SHC4: variants seen among roughly 807,000 people sequenced by gnomAD.
SHC4 encodes the protein SHC adaptor protein 4.
Under a neutral mutation model 69.4 loss-of-function variants are expected in SHC4, and 41 were observed. The observed-to-expected ratio is 0.59, with a 90% CI of 0.46 to 0.77. The LOEUF is 0.77. Ranked by LOEUF, SHC4 falls within the 30% of genes least tolerant of loss-of-function variation. The pLI, the probability that SHC4 is intolerant of heterozygous loss-of-function variation, is 0.00. For synonymous variants in SHC4, 318 were observed against 299.3 expected (o/e 1.06, Z -0.64); for missense variants, 777 against 783.8 (o/e 0.99, Z 0.10).
chr15:48,930,938 C>A (rs1900953040), intron 1 of SHC4, among the ~76,000 whole-genome samples: 1 of 152,222 alleles, frequency 6.6e-6, no homozygotes, highest in African/African-American at 2.4e-5. Context: ...GGCCTCATCA[C>A]TCTAGTGAAA....
intron 2 of SHC4, among the ~76,000 whole-genome samples, chr15:48,922,620 C>A (rs1262683712): frequency 2.0e-5 from 3 of 152,172 alleles, no homozygotes; most frequent in Non-Finnish European, 4.4e-5. Flanking sequence ...AAAGGCCCTG[C>A]CTCTTGATAC....
At chr15:48,960,955 A>C (rs1366400023) in intron 1 of SHC4, among the ~76,000 whole-genome samples, 1 of 152,060 alleles carries the variant, frequency 6.6e-6, no homozygotes, top group African/African-American at 2.4e-5. Context: ...CAAAATAATC[A>C]ATCTACCCAC....
intron 11 of SHC4, 72 bp from the exon 12 acceptor site, chr15:48,826,198 G>A (rs1382271463): frequency 2.8e-6 from 4 of 1,415,970 alleles, no homozygotes; most frequent in Admixed American, 2.3e-5. Context: ...ATAATAAGGG[G>A]GAAAATGCCA....
At chr15:48,947,965 C>T (rs558777847) in intron 1 of SHC4, 4 of 152,298 alleles carry the variant, frequency 2.6e-5, no homozygotes, top group African/African-American at 9.6e-5. Flanking sequence ...CATGTTTTGG[C>T]TTTCTTTATA....
intron 4 of SHC4, chr15:48,877,980 AGGCGACGCC>A: frequency 1.8e-6 from 1 of 565,506 alleles, no homozygotes; most frequent in Non-Finnish European, 2.9e-6. Flanking sequence ...GTAGCTCAAA[AGGCGACGCC>A]AACACCCCGG....
chr15:48,927,810 C>T (rs1900882729), intron 1 of SHC4, among the ~76,000 whole-genome samples: 1 of 152,188 alleles, frequency 6.6e-6, no homozygotes, highest in East Asian at 1.9e-4. Flanking sequence ...AATGACACAC[C>T]TCAGAGGCCC....
intron 9 of SHC4, among the ~76,000 whole-genome samples, chr15:48,845,872 C>T (rs1899081252): frequency 6.6e-6 from 1 of 152,096 alleles, no homozygotes; most frequent in African/African-American, 2.4e-5. Context: ...ATGATACATG[C>T]ATATTAATAT....
chr15:48,920,414 A>G (rs957585486), intron 2 of SHC4, among the ~76,000 whole-genome samples: 1 of 151,962 alleles, frequency 6.6e-6, no homozygotes, highest in African/African-American at 2.4e-5. Context: ...AAACCCGAAT[A>G]ATGCACTCAT....
At chr15:48,827,768 A>C (rs1357361774) in intron 11 of SHC4, among the ~76,000 whole-genome samples, 2 of 152,110 alleles carry the variant, frequency 1.3e-5, no homozygotes, top group Non-Finnish European at 2.9e-5. Flanking sequence ...GAGAGTTTCA[A>C]CTATTTTGAA....
chr15:48,852,507 T>C (rs1899233803), intron 8 of SHC4, among the ~76,000 whole-genome samples: 1 of 152,102 alleles, frequency 6.6e-6, no homozygotes, highest in Non-Finnish European at 1.5e-5. Context: ...TAATAAAATG[T>C]TGGAAAATGT....
chr15:48,909,457 T>G (rs1275957452), intron 2 of SHC4, among the ~76,000 whole-genome samples: 3 of 152,144 alleles, frequency 2.0e-5, no homozygotes, highest in African/African-American at 4.8e-5. Flanking sequence ...GAGGAGTCTT[T>G]AAGGTTTTCA....
At chr15:48,848,012 A>C (rs1314318243) in intron 9 of SHC4, among the ~76,000 whole-genome samples, 8 of 151,274 alleles carry the variant, frequency 5.3e-5, no homozygotes, top group Admixed American at 1.3e-4. Flanking sequence ...AAAAAAAAAA[A>C]AAAAACAAAA....
In SHC4 at chr15:48,962,481, T is replaced by C. The variant is rs768258735; in HGVS notation, c.535A>G (p.Arg179Gly). ...CCCAACAGGTGCTGTAGAAAGTGCC[T>C]GTCCTGCCTGCTCCTAAGTGTTGGC... Reference protein sequence around the residue: ...GEPTLRSRQDRHFLQHLLGMG... With the variant: ...GEPTLRSRQDGHFLQHLLGMG... Residue 179 changes from arginine to glycine, a missense_variant, in exon 1 of 12, where the codon AGG becomes GGG. Coordinates refer to ENST00000332408, the MANE Select transcript of SHC4 (RefSeq NM_203349.4). 1.6e-5 allele frequency: 24 copies of C among 1,539,824 alleles called. No homozygotes were observed. The highest frequency in any genetic ancestry group is 2.6e-5 in the South Asian group (2 of 77,806).
chr15:48,856,697 T>A (rs1006978312), intron 7 of SHC4, among the ~76,000 whole-genome samples: 3 of 151,834 alleles, frequency 2.0e-5, no homozygotes, highest in Non-Finnish European at 4.4e-5. Flanking sequence ...AACATGGAAT[T>A]GTTTTTAAAA....
At chr15:48,912,836 C>T (rs1001895510) in intron 2 of SHC4, among the ~76,000 whole-genome samples, 6 of 152,206 alleles carry the variant, frequency 3.9e-5, no homozygotes, top group Middle Eastern at 3.4e-3. Context: ...TCCTGTGAGC[C>T]GAACTGCAGT....
chr15:48,868,449 G>A (rs531024615), intron 5 of SHC4, among the ~76,000 whole-genome samples: 1 of 152,206 alleles, frequency 6.6e-6, no homozygotes, highest in South Asian at 2.1e-4. Flanking sequence ...TTAAAAAAAA[G>A]AGAACCCCTG....
At chr15:48,908,791 C>A (rs1275932533) in intron 2 of SHC4, among the ~76,000 whole-genome samples, 1 of 152,128 alleles carries the variant, frequency 6.6e-6, no homozygotes, top group Non-Finnish European at 1.5e-5. Context: ...ATCCCAGCAC[C>A]ATTTGTTGAA....
intron 11 of SHC4, among the ~76,000 whole-genome samples, chr15:48,828,087 G>GTATGTGTGTGTGTGTTACA (rs1330007633): frequency 2.4e-5 from 3 of 122,548 alleles, no homozygotes; most frequent in Admixed American, 1.0e-4. Context: ...TGTTACATAT[G>GTATGTGTGTGTGTGTTACA]TATGTATGTG....
At chr15:48,880,985 AGTGTGTGTGTGTGTGTGT>A (rs10523567) in intron 4 of SHC4, among the ~76,000 whole-genome samples, 5 of 145,974 alleles carry the variant, frequency 3.4e-5, no homozygotes, top group South Asian at 2.2e-4. Context: ...TGTGTGTGAG[AGTGTGTGTGTGTGTGTGT>A]GTGTGTGTGT....
Sources: allele counts gnomAD v4.1 joint callset (sites outside exome capture counted in the v4.1 genomes callset), GRCh38; gene constraint gnomAD v4.1.1; transcripts MANE v1.5; gene names NCBI Gene and HGNC (gene_info 2026-07-23, HGNC 2026-07-21).